UBR4: variants seen among roughly 807,000 people sequenced by gnomAD.
UBR4 encodes ubiquitin protein ligase E3 component n-recognin 4.
In UBR4, 124 loss-of-function variants were observed where a neutral mutation model predicts 575.6. The ratio of observed to expected loss-of-function variants is 0.22; its 90% confidence interval spans 0.19 to 0.25. The LOEUF is 0.25. Ranked by LOEUF, UBR4 falls within the 10% of genes least tolerant of loss-of-function variation. UBR4 has a pLI of 1.00. For missense variants in UBR4, 4,818 were observed against 6,478.8 expected, an observed-to-expected ratio of 0.74 and a Z score of 8.80; for synonymous variants, 2,455 against 2,473.7, an observed-to-expected ratio of 0.99 and a Z score of 0.22.
intron 70 of UBR4, among the ~76,000 whole-genome samples, 184 bp downstream of exon 70, chr1:19,119,373 A>T (rs1043964231): frequency 1.3e-5 from 2 of 152,216 alleles, no homozygotes; most frequent in African/African-American, 4.8e-5. Context: ...TAGATTTGTT[A>T]GTGTATACTG....
At chr1:19,133,009 C>T (rs1313068993) in intron 60 of UBR4, among the ~76,000 whole-genome samples, 1 of 152,200 alleles carries the variant, frequency 6.6e-6, no homozygotes, top group African/African-American at 2.4e-5. Flanking sequence ...ACTTCACTGA[C>T]TGGTGAACTT....
intron 27 of UBR4, among the ~76,000 whole-genome samples, chr1:19,168,774 G>A (rs1458390053): frequency 6.6e-6 from 1 of 151,990 alleles, no homozygotes; most frequent in African/African-American, 2.4e-5. Flanking sequence ...TCAGGCGATC[G>A]AGACCATCCT....
intron 69 of UBR4, 100 bp from the exon 70 acceptor site, chr1:19,119,801 G>A: frequency 6.9e-7 from 1 of 1,459,018 alleles, no homozygotes; most frequent in Non-Finnish European, 9.2e-7. Flanking sequence ...CCACAATTAT[G>A]GGTTAAGTTT....
chr1:19,089,072 A>ACCAT lies in UBR4; in HGVS notation c.14212-99_14212-96dup, dbSNP rs2077276492. 8.1e-7 allele frequency: 1 copy of ACCAT among 1,239,892 alleles called. No homozygotes were observed. 76.8% of individuals were successfully genotyped at this position (1,239,892 alleles called of 1,614,324 possible). A position where few individuals can be genotyped will look rare whatever the true frequency, so the allele number is the denominator to read the frequency against. On this transcript the variant is annotated intron_variant, in intron 97 of 105. Coordinates refer to ENST00000375254, the MANE Select transcript of UBR4 (RefSeq NM_020765.3). This position sits in a 1 kb window ranked among gnomAD's most constrained non-coding sequence, Gnocchi z 4.3. Reference sequence around the variant, plus strand: ...AGGTTTAGAAACTCAACCAGCATGCACCATCTCATGTCACCTGCTCAGCTG... The same window carrying ACCAT: ...AGGTTTAGAAACTCAACCAGCATGCACCATCCATCTCATGTCACCTGCTCAGCTG...
intron 39 of UBR4, among the ~76,000 whole-genome samples, chr1:19,159,601 T>C (rs909146071): frequency 3.8e-4 from 56 of 147,344 alleles, no homozygotes; most frequent in African/African-American, 1.3e-3. Flanking sequence ...CCAGCCCCAC[T>C]CCTTTTTTTT....
chr1:19,096,410 C>A (rs1057447545), intron 92 of UBR4, 113 bp downstream of exon 92: 14 of 1,482,084 alleles, frequency 9.4e-6, no homozygotes, highest in Non-Finnish European at 1.1e-5. Context: ...CACTGCTCCA[C>A]GGCACCATGC....
At chr1:19,135,966 T>C (rs1033852182) in intron 60 of UBR4, among the ~76,000 whole-genome samples, 1 of 152,204 alleles carries the variant, frequency 6.6e-6, no homozygotes, top group African/African-American at 2.4e-5. Flanking sequence ...GACATTACTT[T>C]CAAAGAAGCA....
intron 14 of UBR4, among the ~76,000 whole-genome samples, chr1:19,185,532 T>C (rs1377384619): frequency 1.3e-5 from 2 of 151,974 alleles, no homozygotes; most frequent in Non-Finnish European, 2.9e-5. Flanking sequence ...TCTCACATTA[T>C]TGCATGTAAA....
At chr1:19,194,176 A>G (rs188883980) in intron 8 of UBR4, among the ~76,000 whole-genome samples, 359 of 152,362 alleles carry the variant, frequency 2.4e-3, no homozygotes, top group Non-Finnish European at 3.8e-3. Flanking sequence ...TGAAACCCCA[A>G]TGTAAACTAT....
intron 63 of UBR4, 65 bp from the exon 64 acceptor site, chr1:19,126,720 G>A: frequency 6.5e-7 from 1 of 1,549,568 alleles, no homozygotes; most frequent in Non-Finnish European, 8.9e-7. Context: ...AAATCCAGGT[G>A]GGTGTTGGGG....
At chr1:19,080,973 C>T (rs2076442689) in intron 103 of UBR4, 1 of 180,640 alleles carries the variant, frequency 5.5e-6, no homozygotes, top group South Asian at 1.5e-4. Flanking sequence ...TTAGAAAATA[C>T]CCCATGTGGC....
chr1:19,084,768 G>C, intron 101 of UBR4, 70 bp from the exon 102 acceptor site: 2 of 1,466,164 alleles, frequency 1.4e-6, no homozygotes, highest in Non-Finnish European at 1.9e-6. Flanking sequence ...GGGAGACAGA[G>C]CCTCCTTCCA....
At position 19,157,701 on chromosome 1, in the gene UBR4, A is replaced by G; in HGVS notation, c.5760+114T>C. On this transcript the variant is annotated intron_variant, in intron 40 of 105. Coordinates refer to ENST00000375254, the MANE Select transcript of UBR4 (RefSeq NM_020765.3). This position sits in a 1 kb window ranked among gnomAD's most constrained non-coding sequence, Gnocchi z 4.4. ...GATCTGTCCCTGAAGCATTCTTAGA[A>G]CGCAGTGGACTTTTTCCCACAGAGG... 1 of 1,332,048 alleles carries G rather than the reference A, an allele frequency of 7.5e-7. No homozygotes were observed. Among genetic ancestry groups the G allele is most frequent in the Non-Finnish European group, 1.0e-6 (1 of 978,366 alleles). 82.5% of individuals were successfully genotyped at this position (1,332,048 alleles called of 1,614,324 possible).
In UBR4 at chr1:19,197,727, G is replaced by C; in HGVS notation, c.836C>G (p.Ala279Gly). 2 of 1,614,180 alleles carry C rather than the reference G, an allele frequency of 1.2e-6. No individual in the cohort carries two copies. The highest frequency in any genetic ancestry group is 1.7e-6 in the Non-Finnish European group (2 of 1,180,022). The change falls in exon 7 of 106, where the codon GCT becomes GGT. Residue 279 changes from alanine to glycine, a missense_variant. By Grantham distance (60) the Ala-to-Gly change is moderately conservative. Around this residue, in one of 29 missense-constraint regions of UBR4, gnomAD observed 131 missense variants for 214.5 expected, o/e 0.61. Coordinates refer to ENST00000375254, the MANE Select transcript of UBR4 (RefSeq NM_020765.3). ...YINRFQDAVL[A>G]NSFFIMPATV... is the part of the protein sequence containing the mutation. ...TGCAGGCATTATGAAGAAGGAATTA[G>C]CTAAAACTGCATCTTGGAACCGATT...
chr1:19,089,021 G>A lies in UBR4; in HGVS notation c.14212-44C>T, dbSNP rs557800264. ...AGAGACACATGCCTCCAATTATGTAGACAAACCTTCTTCCCGGGAGCTTAA... is the reference window on the plus strand; with the variant it reads ...AGAGACACATGCCTCCAATTATGTAAACAAACCTTCTTCCCGGGAGCTTAA... On this transcript the variant is annotated intron_variant, in intron 97 of 105. Coordinates refer to ENST00000375254, the MANE Select transcript of UBR4 (RefSeq NM_020765.3). The surrounding 1 kb of genome is among the most constrained non-coding windows in gnomAD (Gnocchi z 4.3). The A allele has an allele frequency of 2.5e-6, 4 of 1,592,656 alleles. No individual in the cohort carries two copies. Among genetic ancestry groups the A allele is most frequent in the African/African-American group, 1.3e-5 (1 of 74,526 alleles).
In UBR4 at chr1:19,199,621, T is replaced by C. The variant is rs373709511; in HGVS notation, c.378+30A>G. ...AGTCAGTCACAACACTGCTTCAGAA[T>C]AGGGCAAGAAATGGGCCCATCACTC... On this transcript the variant is annotated intron_variant, in intron 3 of 105. Coordinates refer to ENST00000375254, the MANE Select transcript of UBR4 (RefSeq NM_020765.3). The C allele has an allele frequency of 2.4e-5, 39 of 1,603,654 alleles. No individual in the cohort carries two copies. The African/African-American group carries it at 3.9e-4, about 16-fold the overall frequency.
chr1:19,118,904 A>C lies in UBR4; in HGVS notation c.10509T>G (p.Ile3503Met). Residue 3503 changes from isoleucine to methionine, a missense_variant, in exon 71 of 106, where the codon ATT becomes ATG. By Grantham distance (10) the Ile-to-Met change is conservative. Transcript: ENST00000375254. ...TGTTCGAGTTGGGGTGGTTGGTAAGAATATGGTTTTGAGTCCGCAGAATCT... is the reference window on the plus strand; with the variant it reads ...TGTTCGAGTTGGGGTGGTTGGTAAGCATATGGTTTTGAGTCCGCAGAATCT... ...AVEILRTQNH[I>M]LTNHPNSNIY... 1 of 1,614,228 alleles carries C rather than the reference A, an allele frequency of 6.2e-7. No homozygotes were observed. Among genetic ancestry groups the C allele is most frequent in the South Asian group, 1.1e-5 (1 of 91,082 alleles).
chr1:19,147,549 C>G (rs2085039144), intron 51 of UBR4, among the ~76,000 whole-genome samples: 1 of 152,210 alleles, frequency 6.6e-6, no homozygotes, highest in Non-Finnish European at 1.5e-5. Flanking sequence ...GTGATACCCT[C>G]TTTCCCCAGA....
chr1:19,168,543 T>C (rs974930248), intron 27 of UBR4, among the ~76,000 whole-genome samples: 1 of 152,198 alleles, frequency 6.6e-6, no homozygotes, highest in African/African-American at 2.4e-5. Context: ...CTGGGTGGTG[T>C]AAACAGAGGT....
Sources: allele counts gnomAD v4.1 joint callset (sites outside exome capture counted in the v4.1 genomes callset), GRCh38; gene constraint gnomAD v4.1.1; regional missense constraint gnomAD v4.1.1; non-coding constraint Gnocchi (gnomAD v3.1); transcripts MANE v1.5; gene names NCBI Gene and HGNC (gene_info 2026-07-23, HGNC 2026-07-21).